The following ZNF274 variants were observed in gnomAD, a reference collection of about 807,000 sequenced individuals.
ZNF274 encodes the protein zinc finger protein 274.
Under a neutral mutation model 42.5 loss-of-function variants are expected in ZNF274, and 23 were observed. That is an observed-to-expected ratio of 0.54 (90% CI 0.39 to 0.77). The LOEUF (loss-of-function observed/expected upper bound fraction) is 0.77. ZNF274 is among the 30% of genes least tolerant of loss of function. The probability of loss-of-function intolerance (pLI) is 0.00; values close to 1 mark genes in which losing one functional copy is unlikely to be tolerated. For synonymous variants in ZNF274, 292 were observed against 305.4 expected, an observed-to-expected ratio of 0.96 and a Z score of 0.46; for missense variants, 679 against 806.5, an observed-to-expected ratio of 0.84 and a Z score of 1.91.
At chr19:58,184,666 A>G (rs2146184623) in intron 2 of ZNF274, 1 of 152,496 alleles carries the variant, frequency 6.6e-6, no homozygotes. Flanking sequence ...AATAACAAGT[A>G]GAAAAGACAG....
In ZNF274 at chr19:58,207,096, T is replaced by G. The variant is rs1038383202; in HGVS notation, c.633T>G (p.Gly211=). The stretch of plus-strand genomic sequence containing the variant: ...TGCTGGTGCTGGAGCAGTTCCTAGG[T>G]GCACTGCCTGTGAAGCTCCGGACAT... ...LELLVLEQFL[G]ALPVKLRTWV... Residue 211 remains glycine (G), a synonymous_variant, in exon 5 of 8, where the codon GGT becomes GGG. Coordinates refer to ENST00000617501, the MANE Select transcript of ZNF274 (RefSeq NM_133502.3). This position sits in a 1 kb window ranked among gnomAD's most constrained non-coding sequence, Gnocchi z 5.6. 5 of 1,613,724 alleles carry G rather than the reference T, an allele frequency of 3.1e-6. No homozygotes were observed. The highest frequency in any genetic ancestry group is 4.2e-6 in the Non-Finnish European group (5 of 1,179,924).
chr19:58,190,634 G>A (rs2075768937), intron 4 of ZNF274, among the ~76,000 whole-genome samples: 1 of 152,206 alleles, frequency 6.6e-6, no homozygotes, highest in African/African-American at 2.4e-5. Flanking sequence ...TATAATAGAT[G>A]TAGAAGTTTT....
intron 1 of ZNF274, 39 bp from the exon 2 acceptor site, chr19:58,183,882 T>C: frequency 1.4e-6 from 2 of 1,452,062 alleles, no homozygotes; most frequent in South Asian, 1.2e-5. Flanking sequence ...AGCGGACACC[T>C]TAAGCCTCTC....
Position 58,211,308 on chromosome 19 carries a change from AGTT to A in ZNF274, c.853-248_853-246del, listed in dbSNP as rs1292700547. On this transcript the variant is annotated intron_variant, in intron 6 of 7. Transcript: ENST00000617501. The surrounding 1 kb of genome is among the most constrained non-coding windows in gnomAD (Gnocchi z 4.8). ...CTGGATAGAGCCGTGGTTAGGATGGAGTTGTTTGCTTGTTGCACTTGGAGCTCT... is the reference window on the plus strand; with the variant it reads ...CTGGATAGAGCCGTGGTTAGGATGGAGTTTGCTTGTTGCACTTGGAGCTCT... 7.8e-6 allele frequency: 3 copies of A among 386,300 alleles called. No individual in the cohort carries two copies. Among genetic ancestry groups the A allele is most frequent in the Admixed American group, 8.6e-5 (2 of 23,160 alleles). The allele number at this position is 386,300 out of a possible 1,614,324, so 23.9% of individuals were successfully genotyped here.
At chr19:58,189,050 G>A (rs984851070) in intron 4 of ZNF274, among the ~76,000 whole-genome samples, 8 of 151,864 alleles carry the variant, frequency 5.3e-5, no homozygotes, top group East Asian at 1.9e-4. Flanking sequence ...TCCGCACAAC[G>A]GACCAAGTTG....
intron 2 of ZNF274, chr19:58,185,497 CAT>C (rs1424184473): frequency 6.4e-6 from 2 of 310,750 alleles, no homozygotes; most frequent in Non-Finnish European, 1.2e-5. Flanking sequence ...ACAGAGATCT[CAT>C]GTGTTGCTCT....
In ZNF274 at chr19:58,188,620, A is replaced by AATATAT. The variant is rs60934983; in HGVS notation, c.256+1599_256+1604dup. The stretch of plus-strand genomic sequence containing the variant: ...GACTCCATCTCAAAAAAAAAAAAAA[A>AATATAT]ATATATATATATATATATATATATA... On this transcript the variant is annotated intron_variant, in intron 4 of 7. Coordinates refer to ENST00000617501, the MANE Select transcript of ZNF274 (RefSeq NM_133502.3). Among the ~76,000 whole-genome samples, 215 of 70,322 alleles carry AATATAT rather than the reference A, an allele frequency of 3.1e-3. 1 individual carries two copies. Among genetic ancestry groups the AATATAT allele is most frequent in the South Asian group, 4.4e-3 (11 of 2,498 alleles). 46.1% of individuals were successfully genotyped at this position (70,322 alleles called of 152,430 possible).
chr19:58,196,739 C>CT (rs1349371263), intron 4 of ZNF274, among the ~76,000 whole-genome samples: 1 of 152,166 alleles, frequency 6.6e-6, no homozygotes, highest in Non-Finnish European at 1.5e-5. Flanking sequence ...GCATACCATT[C>CT]TTTTATCCAA....
intron 4 of ZNF274, among the ~76,000 whole-genome samples, chr19:58,194,814 C>T (rs991359088): frequency 6.6e-6 from 1 of 151,858 alleles, no homozygotes; most frequent in African/African-American, 2.4e-5. Context: ...ACCATCCTGG[C>T]TAACACGGAA....
Position 58,183,394 on chromosome 19 carries a change from G to GACGCACTTCGCCGCCGGCCGACGGGCGC in ZNF274, c.-93_-66dup, listed in dbSNP as rs2075653320. The stretch of plus-strand genomic sequence containing the variant: ...GAGTTGTAGTTCGGGACGGCGGGCT[G>GACGCACTTCGCCGCCGGCCGACGGGCGC]ACGCACTTCGCCGCCGGCCGACGGG... On this transcript the variant is annotated 5_prime_UTR_variant, in exon 1 of 8. Coordinates refer to ENST00000617501, the MANE Select transcript of ZNF274 (RefSeq NM_133502.3). 1 of 152,210 alleles carries GACGCACTTCGCCGCCGGCCGACGGGCGC rather than the reference G, an allele frequency of 6.6e-6. No homozygotes were observed. 9.4% of individuals were successfully genotyped at this position (152,210 alleles called of 1,614,324 possible).
At chr19:58,210,098 T>C (rs781312792) in intron 6 of ZNF274, 25 bp downstream of exon 6, 1 of 1,603,324 alleles carries the variant, frequency 6.2e-7, no homozygotes, top group Admixed American at 1.7e-5. Context: ...TCACCCTGTT[T>C]TGGTCACAGC....
intron 4 of ZNF274, among the ~76,000 whole-genome samples, chr19:58,203,167 C>A (rs969407004): frequency 1.3e-5 from 2 of 151,980 alleles, no homozygotes; most frequent in East Asian, 3.9e-4. Context: ...GCCACTTAGC[C>A]CCCCCCCAGG....
intron 4 of ZNF274, among the ~76,000 whole-genome samples, chr19:58,188,620 AATATATATAT>A (rs60934983): frequency 0.12 from 8,356 of 70,330 alleles, 669 homozygotes; most frequent in East Asian, 0.34. Flanking sequence ...AAAAAAAAAA[AATATATATAT>A]ATATATATAT....
At chr19:58,204,948 C>G (rs2075964990) in intron 4 of ZNF274, among the ~76,000 whole-genome samples, 1 of 152,092 alleles carries the variant, frequency 6.6e-6, no homozygotes, top group Non-Finnish European at 1.5e-5. Context: ...AGGAAGGGTT[C>G]TGAGTGGAGA....
chr19:58,183,741 G>T (rs1034787533), intron 1 of ZNF274, 180 bp from the exon 2 acceptor site: 1 of 530,120 alleles, frequency 1.9e-6, no homozygotes, highest in African/African-American at 1.9e-5. Flanking sequence ...TGTCCTCTCG[G>T]GGAGGGGAAA....
rs922213667 is a variant in ZNF274, at chr19:58,212,559, A to T, written c.1378A>T (p.Met460Leu). The T allele has an allele frequency of 3.6e-5, 58 of 1,613,960 alleles. No homozygotes were observed. The East Asian group carries it at 1.3e-3, about 36-fold the overall frequency. Residue 460 changes from methionine (M) to leucine (L), a missense_variant, in exon 8 of 8, where the codon ATG (methionine) becomes TTG (leucine). Physicochemically the swap from Met to Leu is conservative, Grantham distance 15. Around this residue, in one of 2 missense-constraint regions of ZNF274, gnomAD observed 456 missense variants for 590.1 expected, o/e 0.77. Coordinates refer to ENST00000617501, the MANE Select transcript of ZNF274 (RefSeq NM_133502.3). This position sits in a 1 kb window ranked among gnomAD's most constrained non-coding sequence, Gnocchi z 4.6. ...CAAACGTGACTCACAAGTTAAAAGT[A>T]TGAAACATAATTCACGTGTAAAAAT... ...LRKRDSQVKS[M>L]KHNSRVKIHQ...
At chr19:58,200,570 CGAACCAGGTGAAGATGTTGGGGAAGGT>C (rs1221050565) in intron 4 of ZNF274, among the ~76,000 whole-genome samples, 5 of 151,772 alleles carry the variant, frequency 3.3e-5, no homozygotes, top group South Asian at 2.1e-4. Flanking sequence ...ATGGGAAAGG[CGAACCAGGTGAAGATGTTGGGGAAGGT>C]GAACCAGGCG....
At chr19:58,188,211 G>T (rs1192689367) in intron 4 of ZNF274, among the ~76,000 whole-genome samples, 1 of 151,842 alleles carries the variant, frequency 6.6e-6, no homozygotes, top group Non-Finnish European at 1.5e-5. Flanking sequence ...TAAAAATCTG[G>T]TAGTGACAAA....
Position 58,211,597 on chromosome 19 carries a change from G to A in ZNF274, c.890G>A (p.Ser297Asn). The A allele has an allele frequency of 1.9e-6, 3 of 1,613,832 alleles. No homozygotes were observed. The highest frequency in any genetic ancestry group is 1.1e-5 in the South Asian group (1 of 91,054). Residue 297 changes from serine (S) to asparagine (N), a missense_variant, in exon 7 of 8, where the codon AGC becomes AAC. Ser to Asn is a conservative substitution (Grantham distance 46). Coordinates refer to ENST00000617501, the MANE Select transcript of ZNF274 (RefSeq NM_133502.3). The surrounding 1 kb of genome is among the most constrained non-coding windows in gnomAD (Gnocchi z 4.8). ...TTCCAGGATGTGGCTGTGGACTTCA[G>A]CCGGGAGGAGTGGGGGCTGCTGGGC... ...VTFQDVAVDF[S>N]REEWGLLGPT...
Sources: allele counts gnomAD v4.1 joint callset (sites outside exome capture counted in the v4.1 genomes callset), GRCh38; gene constraint gnomAD v4.1.1; regional missense constraint gnomAD v4.1.1; non-coding constraint Gnocchi (gnomAD v3.1); transcripts MANE v1.5; gene names NCBI Gene and HGNC (gene_info 2026-07-23, HGNC 2026-07-21).